The following PHACTR1 variants were observed in gnomAD, a reference collection of about 807,000 sequenced individuals.
PHACTR1 encodes the protein RPEL repeat containing 1.
Under a neutral mutation model 69.2 loss-of-function variants are expected in PHACTR1, and 16 were observed. That is an observed-to-expected ratio of 0.23 (90% CI 0.16 to 0.35). PHACTR1 has a LOEUF of 0.35. Among genes scored for constraint, PHACTR1 ranks in the 10% least tolerant of loss-of-function variants. The pLI is 1.00. For missense variants in PHACTR1, 510 were observed against 734.7 expected, an observed-to-expected ratio of 0.69 and a Z score of 3.54; for synonymous variants, 312 against 284.5, an observed-to-expected ratio of 1.10 and a Z score of -0.97.
intron 4 of PHACTR1, among the ~76,000 whole-genome samples, chr6:12,836,085 T>G (rs1285296230): frequency 2.0e-5 from 3 of 152,198 alleles, no homozygotes; most frequent in Non-Finnish European, 4.4e-5. Context: ...TGCAATGCTT[T>G]TGAACTGAGT....
chr6:12,992,371 C>T lies in PHACTR1; in HGVS notation c.251-60994C>T, dbSNP rs560444312. 2.0e-5 allele frequency among the ~76,000 whole-genome samples: 3 copies of T among 152,306 alleles called. No homozygotes were observed. The East Asian group carries it at 5.8e-4, about 29-fold the overall frequency. On this transcript the variant is annotated intron_variant, in intron 4 of 14. Transcript: ENST00000332995. ...CTAAATATAGCCTCTGAGTGCTATT[C>T]TTGGCTCTTAATATAGTGTTAATTA...
intron 4 of PHACTR1, among the ~76,000 whole-genome samples, chr6:12,859,300 G>C (rs1780706778): frequency 6.6e-6 from 1 of 152,094 alleles, no homozygotes; most frequent in African/African-American, 2.4e-5. Flanking sequence ...TACAGCACTT[G>C]GGATATAACC....
At chr6:12,845,425 A>AACCCCCC (rs1561938718) in intron 4 of PHACTR1, among the ~76,000 whole-genome samples, 4 of 14,832 alleles carry the variant, frequency 2.7e-4, no homozygotes, top group African/African-American at 2.7e-4. Context: ...TGTGAACACC[A>AACCCCCC]CCCACCCCCC....
intron 4 of PHACTR1, among the ~76,000 whole-genome samples, chr6:12,911,992 ATTTG>A (rs1438707354): frequency 6.6e-6 from 1 of 152,054 alleles, no homozygotes; most frequent in Non-Finnish European, 1.5e-5. Context: ...TTATTTATTT[ATTTG>A]TTTGTTTGTT....
chr6:13,175,362 T>A (rs1440235532), intron 6 of PHACTR1, among the ~76,000 whole-genome samples: 1 of 152,136 alleles, frequency 6.6e-6, no homozygotes, highest in Non-Finnish European at 1.5e-5. Flanking sequence ...TGCAAGGAAG[T>A]CAGGCATCAT....
intron 4 of PHACTR1, among the ~76,000 whole-genome samples, chr6:12,979,789 G>A (rs1795296648): frequency 6.7e-6 from 1 of 150,290 alleles, no homozygotes; most frequent in African/African-American, 2.4e-5. Context: ...AGTGTATTTG[G>A]GGAATTCTGT....
chr6:12,778,827 T>G (rs1404749164), intron 4 of PHACTR1, among the ~76,000 whole-genome samples: 1 of 152,226 alleles, frequency 6.6e-6, no homozygotes. Context: ...TTGATTTTTC[T>G]GTATAGTATA....
rs1195178012 is a variant in PHACTR1, at chr6:13,008,156, C to A, written c.251-45209C>A. Among the ~76,000 whole-genome samples the A allele has an allele frequency of 2.6e-5, 4 of 152,216 alleles. No homozygotes were observed. The South Asian group carries it at 6.2e-4, about 24-fold the overall frequency. On this transcript the variant is annotated intron_variant, in intron 4 of 14. Coordinates refer to ENST00000332995, the MANE Select transcript of PHACTR1 (RefSeq NM_030948.6). The stretch of plus-strand genomic sequence containing the variant: ...ATATCAAAAGTCTGCCAGATTTGAT[C>A]AAGAGATAATAAGGGAAAAGCTAAA...
chr6:13,283,294 C>A lies in PHACTR1; in HGVS notation c.1510-128C>A. On this transcript the variant is annotated intron_variant, in intron 12 of 14. Transcript: ENST00000332995. This position sits in a 1 kb window ranked among gnomAD's most constrained non-coding sequence, Gnocchi z 4.7. ...TGGCCCTCCCCCTGCCCCTGCCCCT[C>A]ACTCACTATGCGATGCATCCATCGC... The A allele has an allele frequency of 9.7e-7, 1 of 1,031,352 alleles. No individual in the cohort carries two copies. Among genetic ancestry groups the A allele is most frequent in the Non-Finnish European group, 1.4e-6 (1 of 711,692 alleles). 63.9% of individuals were successfully genotyped at this position (1,031,352 alleles called of 1,614,324 possible). A position where few individuals can be genotyped will look rare whatever the true frequency, so the allele number is the denominator to read the frequency against.
At chr6:13,193,357 G>GTATGTATATATA (rs1554152203) in intron 7 of PHACTR1, among the ~76,000 whole-genome samples, 1 of 68,162 alleles carries the variant, frequency 1.5e-5, no homozygotes, top group South Asian at 4.1e-4. Flanking sequence ...AGCTCTCTGT[G>GTATGTATATATA]TATATATATA....
intron 4 of PHACTR1, among the ~76,000 whole-genome samples, chr6:12,978,051 C>T (rs936509149): frequency 2.8e-4 from 43 of 152,238 alleles, no homozygotes; most frequent in Non-Finnish European, 7.3e-5. Context: ...GCTCCCGTAT[C>T]TTCAAGGCAA....
At chr6:12,824,240 C>A (rs2127716620) in intron 4 of PHACTR1, among the ~76,000 whole-genome samples, 1 of 152,280 alleles carries the variant, frequency 6.6e-6, no homozygotes, top group Admixed American at 6.5e-5. Flanking sequence ...CACTGTCTCC[C>A]ATCACCCCCA....
intron 12 of PHACTR1, chr6:13,279,175 A>T (rs755963866): frequency 6.6e-6 from 1 of 152,154 alleles, no homozygotes; most frequent in Non-Finnish European, 1.5e-5. Context: ...ATAAAACTGG[A>T]ATTTTAATAT....
chr6:12,734,000 A>C (rs952484062), intron 3 of PHACTR1, among the ~76,000 whole-genome samples: 1 of 152,234 alleles, frequency 6.6e-6, no homozygotes, highest in Admixed American at 6.5e-5. Context: ...ACTCAGTTCA[A>C]CATACAAAGC....
intron 4 of PHACTR1, among the ~76,000 whole-genome samples, chr6:12,817,294 C>A (rs1204076226): frequency 1.3e-5 from 2 of 152,096 alleles, no homozygotes; most frequent in African/African-American, 4.8e-5. Flanking sequence ...GTATGTATCC[C>A]TTTTCTGGTA....
chr6:12,748,535 C>T (rs911505831), intron 3 of PHACTR1, among the ~76,000 whole-genome samples: 3 of 152,128 alleles, frequency 2.0e-5, no homozygotes, highest in Non-Finnish European at 4.4e-5. Context: ...AGGGTTTAGC[C>T]CATCAATAGG....
At chr6:12,919,373 T>C (rs910777635) in intron 4 of PHACTR1, among the ~76,000 whole-genome samples, 3 of 152,074 alleles carry the variant, frequency 2.0e-5, no homozygotes, top group African/African-American at 7.2e-5. Flanking sequence ...AAACTCCTGA[T>C]CGCGTGATCT....
At chr6:13,070,082 G>A (rs1809275482) in intron 5 of PHACTR1, among the ~76,000 whole-genome samples, 1 of 152,124 alleles carries the variant, frequency 6.6e-6, no homozygotes, top group Non-Finnish European at 1.5e-5. Context: ...CACCCTAGCA[G>A]GCTTCCCCTC....
intron 4 of PHACTR1, among the ~76,000 whole-genome samples, chr6:12,840,968 C>A (rs1355305121): frequency 1.3e-5 from 2 of 152,220 alleles, no homozygotes; most frequent in Admixed American, 1.3e-4. Flanking sequence ...CATGCTGGGG[C>A]ACAACCTTAA....
Sources: allele counts gnomAD v4.1 joint callset (sites outside exome capture counted in the v4.1 genomes callset), GRCh38; gene constraint gnomAD v4.1.1; non-coding constraint Gnocchi (gnomAD v3.1); transcripts MANE v1.5; gene names NCBI Gene and HGNC (gene_info 2026-07-23, HGNC 2026-07-21).